TSHZ2: variants seen among roughly 807,000 people sequenced by gnomAD.
TSHZ2 encodes teashirt homolog 2.
In TSHZ2, 21 loss-of-function variants were observed where a neutral mutation model predicts 74.4. The observed-to-expected ratio is 0.28, with a 90% CI of 0.20 to 0.41. The LOEUF (loss-of-function observed/expected upper bound fraction) is 0.41, where lower values mean the gene tolerates loss of function less well. Among genes scored for constraint, TSHZ2 ranks in the 10% least tolerant of loss-of-function variants. The pLI, the probability that TSHZ2 is intolerant of heterozygous loss-of-function variation, is 1.00. For missense variants in TSHZ2, 1,244 were observed against 1,293.5 expected (o/e 0.96, Z 0.59); for synonymous variants, 540 against 515.3 (o/e 1.05, Z -0.65).
At position 53,255,529 on chromosome 20, in the gene TSHZ2, T is replaced by C; in HGVS notation, c.2071T>C (p.Cys691Arg). The change falls in exon 2 of 3, where the codon TGC becomes CGC. Residue 691 changes from cysteine (C) to arginine (R), a missense_variant. Around this residue, in one of 6 missense-constraint regions of TSHZ2, gnomAD observed 562 missense variants for 544.0 expected, o/e 1.03. Coordinates refer to ENST00000371497, the MANE Select transcript of TSHZ2 (RefSeq NM_173485.6). This position sits in a 1 kb window ranked among gnomAD's most constrained non-coding sequence, Gnocchi z 4.1. ...ALANHAPALP[C>R]INPLSALQSV... ...CGCCAACCACGCCCCGGCCCTGCCATGCATCAACCCACTCAGCGCCCTGCA... is the reference window on the plus strand; with the variant it reads ...CGCCAACCACGCCCCGGCCCTGCCACGCATCAACCCACTCAGCGCCCTGCA... 1 of 1,587,562 alleles carries C rather than the reference T, an allele frequency of 6.3e-7. No individual in the cohort carries two copies. Among genetic ancestry groups the C allele is most frequent in the African/African-American group, 1.3e-5 (1 of 74,170 alleles).
Position 53,411,850 on chromosome 20 carries a change from A to T in TSHZ2, c.*9-75294A>T, listed in dbSNP as rs565102661. Reference sequence around the variant, plus strand: ...CCTCAAAAAATAAAATAAAATAAAAAAAAGAGTACCTATCTCATAGATGGA... The same window carrying T: ...CCTCAAAAAATAAAATAAAATAAAATAAAGAGTACCTATCTCATAGATGGA... On this transcript the variant is annotated intron_variant, in intron 2 of 2. Transcript: ENST00000371497. 1.6e-3 allele frequency among the ~76,000 whole-genome samples: 237 copies of T among 152,308 alleles called. 1 individual carries two copies. The highest frequency in any genetic ancestry group is 2.0e-3 in the African/African-American group (83 of 41,574).
At chr20:53,454,381 G>A (rs1043177492) in intron 2 of TSHZ2, among the ~76,000 whole-genome samples, 1 of 151,896 alleles carries the variant, frequency 6.6e-6, no homozygotes, top group African/African-American at 2.4e-5. Flanking sequence ...GGCCAATATG[G>A]TGACACCCCA....
chr20:53,012,860 A>G (rs765204536), intron 1 of TSHZ2, among the ~76,000 whole-genome samples: 46 of 152,042 alleles, frequency 3.0e-4, no homozygotes, highest in Non-Finnish European at 5.9e-4. Flanking sequence ...TCCTTTCCAC[A>G]ACAGTGGATC....
chr20:53,243,463 C>T (rs1184800260), intron 1 of TSHZ2, among the ~76,000 whole-genome samples: 1 of 152,154 alleles, frequency 6.6e-6, no homozygotes, highest in Non-Finnish European at 1.5e-5. Context: ...TTGATTCGAT[C>T]AAATTGTACC....
At chr20:53,230,268 T>C (rs1184645663) in intron 1 of TSHZ2, among the ~76,000 whole-genome samples, 2 of 152,308 alleles carry the variant, frequency 1.3e-5, no homozygotes, top group Non-Finnish European at 2.9e-5. Flanking sequence ...ATGAACAGAA[T>C]AGAAAGTTCA....
intron 1 of TSHZ2, among the ~76,000 whole-genome samples, chr20:53,102,409 AAAG>A (rs1268259723): frequency 2.0e-5 from 3 of 151,808 alleles, no homozygotes; most frequent in Non-Finnish European, 1.5e-5. Flanking sequence ...AAAAAAAAGA[AAAG>A]AAAGAAAGGA....
Position 53,280,481 on chromosome 20 carries a change from G to A in TSHZ2, c.*8+23910G>A, listed in dbSNP as rs186007206. Among the ~76,000 whole-genome samples the A allele has an allele frequency of 2.9e-4, 44 of 152,238 alleles. 1 individual carries two copies. Among genetic ancestry groups the A allele is most frequent in the Admixed American group, 9.8e-4 (15 of 15,292 alleles). On this transcript the variant is annotated intron_variant, in intron 2 of 2. Transcript: ENST00000371497. ...CTTGAGTATGAAATATGTTTCCATC[G>A]CATTAGGAGTAAGGATCCAAAATGA...
Position 53,256,549 on chromosome 20 carries a change from G to A in TSHZ2, c.3091G>A (p.Val1031Met), listed in dbSNP as rs1017257990. ...ACACCATTCACAGTTTGTAACAGAC[G>A]TGGATGAAGAATAGCTCTGCAGGTA... The part of the protein sequence containing the change: ...PEHHSQFVTD[V>M]DEE The change falls in exon 2 of 3, where the codon GTG becomes ATG. Residue 1031 changes from valine to methionine, a missense_variant. Coordinates refer to ENST00000371497, the MANE Select transcript of TSHZ2 (RefSeq NM_173485.6). The surrounding 1 kb of genome is among the most constrained non-coding windows in gnomAD (Gnocchi z 4.3). The A allele has an allele frequency of 3.1e-6, 5 of 1,589,330 alleles. No individual in the cohort carries two copies. Among genetic ancestry groups the A allele is most frequent in the South Asian group, 1.1e-5 (1 of 87,112 alleles).
chr20:53,076,222 C>A (rs1210909476), intron 1 of TSHZ2, among the ~76,000 whole-genome samples: 1 of 152,116 alleles, frequency 6.6e-6, no homozygotes, highest in African/African-American at 2.4e-5. Context: ...GTGATCCAAG[C>A]AAGAGATGAT....
intron 2 of TSHZ2, among the ~76,000 whole-genome samples, chr20:53,267,440 G>T (rs1011056257): frequency 5.3e-5 from 8 of 152,188 alleles, no homozygotes; most frequent in East Asian, 3.8e-4. Flanking sequence ...CCTTAAAGGC[G>T]CTATTCACAT....
intron 1 of TSHZ2, among the ~76,000 whole-genome samples, chr20:53,207,247 T>G (rs565852670): frequency 9.9e-5 from 15 of 151,920 alleles, no homozygotes; most frequent in Admixed American, 3.9e-4. Context: ...AGAGGGAAAT[T>G]GGAGGGCTGA....
At chr20:53,012,360 G>A (rs530594409) in intron 1 of TSHZ2, among the ~76,000 whole-genome samples, 6 of 152,008 alleles carry the variant, frequency 3.9e-5, no homozygotes, top group East Asian at 1.9e-4. Flanking sequence ...CCATCTCCTC[G>A]CTACTCAGAA....
chr20:53,452,646 TCTGAGCCCA>T (rs1984846310), intron 2 of TSHZ2, among the ~76,000 whole-genome samples: 1 of 151,182 alleles, frequency 6.6e-6, no homozygotes, highest in Admixed American at 6.6e-5. Context: ...ACTGTATCTC[TCTGAGCCCA>T]CTGAGCCCAT....
intron 2 of TSHZ2, among the ~76,000 whole-genome samples, chr20:53,428,141 TGGA>T (rs990652327): frequency 2.0e-5 from 3 of 152,162 alleles, no homozygotes; most frequent in African/African-American, 7.2e-5. Flanking sequence ...GGGCATGATG[TGGA>T]GGAGAAGTAT....
chr20:53,122,725 G>A (rs550665562), intron 1 of TSHZ2, among the ~76,000 whole-genome samples: 27 of 152,138 alleles, frequency 1.8e-4, no homozygotes, highest in Middle Eastern at 3.4e-3. Flanking sequence ...CTGGTATCAC[G>A]GCTACCTAGA....
At chr20:53,382,928 C>T (rs1435487415) in intron 2 of TSHZ2, among the ~76,000 whole-genome samples, 2 of 152,118 alleles carry the variant, frequency 1.3e-5, no homozygotes, top group African/African-American at 2.4e-5. Flanking sequence ...AATGGGATAC[C>T]GATCCCTCTT....
chr20:53,083,769 T>C (rs970665446), intron 1 of TSHZ2, among the ~76,000 whole-genome samples: 1 of 152,246 alleles, frequency 6.6e-6, no homozygotes, highest in African/African-American at 2.4e-5. Context: ...TGGAATTCTG[T>C]TTCTGTTTTT....
intron 2 of TSHZ2, among the ~76,000 whole-genome samples, chr20:53,413,749 C>T (rs1983136517): frequency 6.6e-6 from 1 of 152,196 alleles, no homozygotes; most frequent in Non-Finnish European, 1.5e-5. Flanking sequence ...GGAAATTCTT[C>T]TATGCTGATA....
Position 53,493,248 on chromosome 20 carries a change from C to G in TSHZ2, c.*6113C>G, listed in dbSNP as rs188584138. ...TGCTTGTAATTTTTTCCTGGTCATT[C>G]TCTTTCAATAGCTTATGAAAGAATT... On this transcript the variant is annotated 3_prime_UTR_variant, in exon 3 of 3. Transcript: ENST00000371497. 1 of 152,320 alleles carries G rather than the reference C, an allele frequency of 6.6e-6. No homozygotes were observed. The highest frequency in any genetic ancestry group is 1.5e-5 in the Non-Finnish European group (1 of 68,018). 9.4% of individuals were successfully genotyped at this position (152,320 alleles called of 1,614,324 possible).
Sources: allele counts gnomAD v4.1 joint callset (sites outside exome capture counted in the v4.1 genomes callset), GRCh38; gene constraint gnomAD v4.1.1; regional missense constraint gnomAD v4.1.1; non-coding constraint Gnocchi (gnomAD v3.1); transcripts MANE v1.5; gene names NCBI Gene and HGNC (gene_info 2026-07-23, HGNC 2026-07-21).